The following MEI4 variants were observed in gnomAD, a reference collection of about 807,000 sequenced individuals.
MEI4 encodes meiosis-specific protein MEI4.
A neutral mutation model predicts 31.4 loss-of-function variants in MEI4; 27 were observed. That is an observed-to-expected ratio of 0.86 (90% CI 0.63 to 1.19). The LOEUF (loss-of-function observed/expected upper bound fraction) is 1.19, where lower values mean the gene tolerates loss of function less well. MEI4 is among the 50% of genes most tolerant of loss of function. MEI4 has a pLI of 0.00. For missense variants in MEI4, 329 were observed against 398.9 expected (o/e 0.82, Z 1.49); for synonymous variants, 122 against 145.4 (o/e 0.84, Z 1.16).
chr6:77,765,582 A>G (rs921690141), intron 3 of MEI4, among the ~76,000 whole-genome samples: 8 of 97,350 alleles, frequency 8.2e-5, no homozygotes, highest in Admixed American at 5.4e-4. Context: ...CCACCCCACA[A>G]CAGTCCCTGG....
intron 3 of MEI4, among the ~76,000 whole-genome samples, chr6:77,800,535 A>T (rs952848653): frequency 6.6e-6 from 1 of 152,210 alleles, no homozygotes; most frequent in Non-Finnish European, 1.5e-5. Context: ...TGTGTTGAAT[A>T]GGAGTGGTGA....
intron 4 of MEI4, among the ~76,000 whole-genome samples, chr6:77,884,044 A>G (rs1445609920): frequency 6.6e-6 from 1 of 152,020 alleles, no homozygotes; most frequent in Non-Finnish European, 1.5e-5. Context: ...TCTTTTGGAT[A>G]ATAGCCATTG....
At chr6:77,747,894 T>A (rs1442649873) in intron 2 of MEI4, among the ~76,000 whole-genome samples, 1 of 152,198 alleles carries the variant, frequency 6.6e-6, no homozygotes, top group Non-Finnish European at 1.5e-5. Flanking sequence ...GTTGGGTAAA[T>A]GCTCCTGTTC....
chr6:77,869,330 C>T (rs1193732328), intron 4 of MEI4, among the ~76,000 whole-genome samples: 1 of 152,068 alleles, frequency 6.6e-6, no homozygotes, highest in Non-Finnish European at 1.5e-5. Context: ...TGTCGAAGCC[C>T]TAATCCCCAA....
chr6:77,910,412 TAACA>T (rs1237148343), intron 4 of MEI4, among the ~76,000 whole-genome samples: 6 of 150,804 alleles, frequency 4.0e-5, no homozygotes, highest in South Asian at 2.1e-4. Context: ...TATACACCAA[TAACA>T]AACAGAGAGC....
At chr6:77,741,826 G>C (rs992703166) in intron 2 of MEI4, among the ~76,000 whole-genome samples, 2 of 132,970 alleles carry the variant, frequency 1.5e-5, no homozygotes, top group Non-Finnish European at 3.0e-5. Flanking sequence ...GTGTCCATGT[G>C]TTCTCATTGT....
rs1481024985 is a variant in MEI4 at position 77,902,854 on chromosome 6, G to A, written c.901-20235G>A. ...ATGCATATGTTGATTGATGTCTCAT[G>A]TCTCCCTAGAATGTATAAAACCAAA... On this transcript the variant is annotated intron_variant, in intron 4 of 4. Coordinates refer to ENST00000684080, the MANE Select transcript of MEI4 (RefSeq NM_001322247.2). Among the ~76,000 whole-genome samples, 12 of 152,162 alleles carry A rather than the reference G, an allele frequency of 7.9e-5. No homozygotes were observed. The South Asian group carries it at 2.3e-3, about 29-fold the overall frequency.
At chr6:77,708,073 G>A (rs2127658875) in intron 2 of MEI4, among the ~76,000 whole-genome samples, 1 of 152,318 alleles carries the variant, frequency 6.6e-6, no homozygotes, top group South Asian at 2.1e-4. Flanking sequence ...CTGTCTAGTG[G>A]AGCTGTGAGA....
At chr6:77,709,008 T>A (rs974980247) in intron 2 of MEI4, among the ~76,000 whole-genome samples, 18 of 152,212 alleles carry the variant, frequency 1.2e-4, no homozygotes, top group African/African-American at 4.1e-4. Context: ...ATATTGACCG[T>A]GACCCTTATA....
chr6:77,921,660 T>C (rs1331913023), intron 4 of MEI4, among the ~76,000 whole-genome samples: 3 of 151,860 alleles, frequency 2.0e-5, no homozygotes, highest in Admixed American at 6.6e-5. Context: ...AAATTGGAGA[T>C]AGGCAACTCT....
intron 1 of MEI4, among the ~76,000 whole-genome samples, chr6:77,656,567 C>T (rs1035372926): frequency 6.6e-6 from 1 of 152,124 alleles, no homozygotes; most frequent in Non-Finnish European, 1.5e-5. Flanking sequence ...GGAAGGATAT[C>T]CTTAACTCTA....
At chr6:77,802,076 A>G (rs1355993885) in intron 3 of MEI4, among the ~76,000 whole-genome samples, 1 of 152,140 alleles carries the variant, frequency 6.6e-6, no homozygotes, top group South Asian at 2.1e-4. Flanking sequence ...GGGTTGTTAA[A>G]GTCTCCCATT....
chr6:77,833,594 T>C (rs1318975633), intron 4 of MEI4, among the ~76,000 whole-genome samples: 1 of 152,178 alleles, frequency 6.6e-6, no homozygotes, highest in Admixed American at 6.5e-5. Context: ...CACATGTTCA[T>C]TTTACATATG....
At chr6:77,833,541 T>G (rs2127712616) in intron 4 of MEI4, among the ~76,000 whole-genome samples, 1 of 152,326 alleles carries the variant, frequency 6.6e-6, no homozygotes, top group African/African-American at 2.4e-5. Context: ...TACAAAGTAA[T>G]GTGTTTTGTT....
Position 77,801,101 on chromosome 6 carries a change from G to A in MEI4, c.769-27830G>A, listed in dbSNP as rs1179684395. ...CCTCCTTGTACCTCTGGTAGAATTC[G>A]GCTGTGAATCCATGTGGTCCTGGAC... On this transcript the variant is annotated intron_variant, in intron 3 of 4. Transcript: ENST00000684080. 3.9e-4 allele frequency among the ~76,000 whole-genome samples: 59 copies of A among 152,242 alleles called. 1 individual carries two copies. Among genetic ancestry groups the A allele is most frequent in the Non-Finnish European group, 1.0e-4 (7 of 68,014 alleles).
At chr6:77,680,933 G>C (rs1338642906) in intron 1 of MEI4, among the ~76,000 whole-genome samples, 1 of 151,968 alleles carries the variant, frequency 6.6e-6, no homozygotes, top group Non-Finnish European at 1.5e-5. Flanking sequence ...TGCACTTTGA[G>C]TTTGTTATCT....
chr6:77,913,763 G>A (rs9448251), intron 4 of MEI4, among the ~76,000 whole-genome samples: 11,960 of 150,194 alleles, frequency 0.08, 1,463 homozygotes, highest in African/African-American at 0.26. Flanking sequence ...GCCCGGGCAC[G>A]GTGGCTCACT....
chr6:77,759,372 A>C (rs1049577065), intron 2 of MEI4, among the ~76,000 whole-genome samples: 6 of 152,064 alleles, frequency 3.9e-5, no homozygotes, highest in Admixed American at 6.6e-5. Flanking sequence ...AGTTTCTGCT[A>C]TCTACACACT....
At chr6:77,870,538 G>A (rs1771165269) in intron 4 of MEI4, among the ~76,000 whole-genome samples, 1 of 152,078 alleles carries the variant, frequency 6.6e-6, no homozygotes. Flanking sequence ...TAGTTAAATG[G>A]ATATATCTTT....
Sources: gnomAD v4.1 joint callset for allele counts (sites outside exome capture counted in the v4.1 genomes callset) on GRCh38, gnomAD v4.1.1 for gene constraint, MANE v1.5 for transcripts, NCBI Gene and HGNC (gene_info 2026-07-23, HGNC 2026-07-21) for gene names.